The following SLC14A2 variants were observed in gnomAD, a reference collection of about 807,000 sequenced individuals.
SLC14A2 encodes urea transporter 2.
A neutral mutation model predicts 104.6 loss-of-function variants in SLC14A2; 91 were observed. The observed-to-expected ratio is 0.87, with a 90% CI of 0.73 to 1.04. The LOEUF is 1.04. Among genes scored for constraint, SLC14A2 ranks in the 50% least tolerant of loss-of-function variants. SLC14A2 has a pLI of 0.00. For missense variants in SLC14A2, 1,189 were observed against 1,156.0 expected (o/e 1.03, Z -0.41); for synonymous variants, 476 against 466.4 (o/e 1.02, Z -0.27).
intron 1 of SLC14A2, among the ~76,000 whole-genome samples, chr18:45,406,108 A>G (rs1284420943): frequency 6.6e-6 from 1 of 152,132 alleles, no homozygotes; most frequent in Non-Finnish European, 1.5e-5. Context: ...ATGCTATTTG[A>G]TAGTATTTCA....
chr18:45,256,445 G>T (rs1031158441), intron 1 of SLC14A2, among the ~76,000 whole-genome samples: 1 of 152,198 alleles, frequency 6.6e-6, no homozygotes, highest in Non-Finnish European at 1.5e-5. Flanking sequence ...ACTCCTGATA[G>T]GTGTGTTGTG....
chr18:45,673,057 C>G lies in SLC14A2; in HGVS notation c.2377+10C>G, dbSNP rs753523573. The G allele has an allele frequency of 1.9e-6, 3 of 1,613,046 alleles. No individual in the cohort carries two copies. Among genetic ancestry groups the G allele is most frequent in the East Asian group, 4.5e-5 (2 of 44,874 alleles). ...ATGGGGATGCTAGCAGGTCTGTGTC[C>G]TCACTTCCCTGGGCTGTGAGGGGGT... On this transcript the variant is annotated intron_variant, in intron 17 of 19. Transcript: ENST00000255226.
At chr18:45,406,232 C>T (rs2086153375) in intron 1 of SLC14A2, among the ~76,000 whole-genome samples, 2 of 152,240 alleles carry the variant, frequency 1.3e-5, no homozygotes, top group African/African-American at 2.4e-5. Context: ...CAACTATGTT[C>T]ACAGTATCTC....
intron 1 of SLC14A2, among the ~76,000 whole-genome samples, chr18:45,310,185 C>G (rs1430150820): frequency 6.6e-6 from 1 of 152,138 alleles, no homozygotes; most frequent in Non-Finnish European, 1.5e-5. Flanking sequence ...CTTCTAAGTT[C>G]TTATTTCTCT....
At position 45,372,316 on chromosome 18, in the gene SLC14A2, C is replaced by CAAT. The variant is rs59063935; in HGVS notation, c.-124-110895_-124-110893dup. ...AACAAGTGAGACCCTGTCTCAAAAA[C>CAAT]AATAATAATAATAATAATAATAATT... On this transcript the variant is annotated intron_variant, in intron 1 of 20. Transcript: ENST00000586448. 1.0e-3 allele frequency among the ~76,000 whole-genome samples: 151 copies of CAAT among 148,488 alleles called. 3 individuals are homozygous for CAAT. The highest frequency in any genetic ancestry group is 4.5e-3 in the East Asian group (23 of 5,102).
chr18:45,625,374 C>T lies in SLC14A2; in HGVS notation c.151-309C>T, dbSNP rs148760821. Among the ~76,000 whole-genome samples the T allele has an allele frequency of 6.6e-5, 10 of 151,914 alleles. No individual in the cohort carries two copies. The East Asian group carries it at 1.4e-3, about 21-fold the overall frequency. ...TTTCAGTATAATTGGCTTGGTTTGC[C>T]GTCCTATTTATCTGATCTTTGCATT... On this transcript the variant is annotated intron_variant, in intron 2 of 19. Transcript: ENST00000255226.
the SLC14A2 span, among the ~76,000 whole-genome samples, chr18:45,192,891 C>T: frequency 1.3e-5 from 2 of 151,934 alleles, no homozygotes; most frequent in Admixed American, 6.6e-5. Flanking sequence ...CTCCTGACCT[C>T]GTTATCCATC....
At chr18:45,661,363 T>C (rs1021566567) in intron 10 of SLC14A2, among the ~76,000 whole-genome samples, 4 of 152,228 alleles carry the variant, frequency 2.6e-5, no homozygotes, top group African/African-American at 9.7e-5. Flanking sequence ...CATTGGTTAG[T>C]AAATGGTGTT....
intron 1 of SLC14A2, among the ~76,000 whole-genome samples, chr18:45,462,730 A>G (rs1231802888): frequency 6.6e-6 from 1 of 152,148 alleles, no homozygotes; most frequent in African/African-American, 2.4e-5. Flanking sequence ...TCCCAGTTCT[A>G]CAGTTACAAT....
intron 1 of SLC14A2, among the ~76,000 whole-genome samples, chr18:45,377,996 A>G (rs2085793652): frequency 6.6e-6 from 1 of 152,096 alleles, no homozygotes; most frequent in East Asian, 1.9e-4. Flanking sequence ...ACCCCCAACA[A>G]TCACCATAAA....
intron 1 of SLC14A2, among the ~76,000 whole-genome samples, chr18:45,322,424 A>C (rs1171490804): frequency 6.6e-6 from 1 of 152,216 alleles, no homozygotes; most frequent in Non-Finnish European, 1.5e-5. Flanking sequence ...GCCCATTGAC[A>C]ATTGGCTAAT....
At chr18:45,525,725 G>A (rs939263864) in intron 2 of SLC14A2, among the ~76,000 whole-genome samples, 1 of 152,206 alleles carries the variant, frequency 6.6e-6, no homozygotes, top group African/African-American at 2.4e-5. Flanking sequence ...CCTAAGAGCA[G>A]GAGTGTATTT....
At chr18:45,246,612 G>A (rs77365252) in intron 1 of SLC14A2, among the ~76,000 whole-genome samples, 5,491 of 151,826 alleles carry the variant, frequency 0.036, 176 homozygotes, top group East Asian at 0.13. Flanking sequence ...TCACTCTGTC[G>A]CCCAGGCTGG....
At chr18:45,560,174 T>G (rs780443196) in intron 2 of SLC14A2, among the ~76,000 whole-genome samples, 5 of 152,204 alleles carry the variant, frequency 3.3e-5, no homozygotes, top group Non-Finnish European at 5.9e-5. Flanking sequence ...TATATTTGGA[T>G]AGCACCCAGT....
chr18:45,372,349 G>C (rs948046053), intron 1 of SLC14A2, among the ~76,000 whole-genome samples: 1 of 136,286 alleles, frequency 7.3e-6, no homozygotes, highest in Admixed American at 7.1e-5. Context: ...ATTTCTATTA[G>C]ATAAAATTTC....
At chr18:45,678,880 G>A in intron 18 of SLC14A2, 95 bp from the exon 19 acceptor site, 9 of 1,124,868 alleles carry the variant, frequency 8.0e-6, no homozygotes, top group Non-Finnish European at 1.0e-5. Context: ...AGCATTTGTG[G>A]CATAAAATTG....
rs146516363 is a variant in SLC14A2, at chr18:45,656,206, G to T, written c.1352-7579G>T. On this transcript the variant is annotated intron_variant, in intron 10 of 19. Transcript: ENST00000255226. Reference sequence around the variant, plus strand: ...AAATACAATGGGAATTCAAGGGCTGGAATCATCCATATGGCCAAATAAGCC... The same window carrying T: ...AAATACAATGGGAATTCAAGGGCTGTAATCATCCATATGGCCAAATAAGCC... Among the ~76,000 whole-genome samples, 54 of 152,302 alleles carry T rather than the reference G, an allele frequency of 3.5e-4. No homozygotes were observed. In the East Asian group the frequency reaches 0.01, roughly 28 times the overall value.
At position 45,648,823 on chromosome 18, in the gene SLC14A2, A is replaced by G. The variant is rs997346171; in HGVS notation, c.1351+4663A>G. On this transcript the variant is annotated intron_variant, in intron 10 of 19. Transcript: ENST00000255226. ...GTTTTTTCATTGTTCTCGTTTTAGA[A>G]GTTTGATCATGATACTCCCTCTTTC... 3.3e-5 allele frequency among the ~76,000 whole-genome samples: 5 copies of G among 152,042 alleles called. 1 individual carries two copies. The highest frequency in any genetic ancestry group is 6.6e-5 in the Admixed American group (1 of 15,262).
chr18:45,288,021 G>A (rs1568136436), intron 1 of SLC14A2, among the ~76,000 whole-genome samples: 2 of 152,130 alleles, frequency 1.3e-5, no homozygotes, highest in African/African-American at 2.4e-5. Context: ...TTAATTCTGT[G>A]TGCCTCCATT....
Sources: gnomAD v4.1 joint callset for allele counts (sites outside exome capture counted in the v4.1 genomes callset) on GRCh38, gnomAD v4.1.1 for gene constraint, MANE v1.5 for transcripts, NCBI Gene and HGNC (gene_info 2026-07-23, HGNC 2026-07-21) for gene names.